TOX: variants seen among roughly 807,000 people sequenced by gnomAD.
The protein encoded by TOX is thymocyte selection-associated high mobility group box protein TOX.
Under a neutral mutation model 53.7 loss-of-function variants are expected in TOX, and 11 were observed. The ratio of observed to expected loss-of-function variants is 0.20; its 90% CI spans 0.13 to 0.34. TOX has a LOEUF of 0.34. TOX is among the 10% of genes least tolerant of loss of function. The probability of loss-of-function intolerance (pLI) is 1.00; values close to 1 mark genes in which losing one functional copy is unlikely to be tolerated. For synonymous variants in TOX, 225 were observed against 245.3 expected, an observed-to-expected ratio of 0.92 and a Z score of 0.77; for missense variants, 570 against 664.6, an observed-to-expected ratio of 0.86 and a Z score of 1.56.
intron 1 of TOX, among the ~76,000 whole-genome samples, chr8:58,980,855 A>G (rs1813192937): frequency 6.6e-6 from 1 of 152,178 alleles, no homozygotes; most frequent in Non-Finnish European, 1.5e-5. Flanking sequence ...GTCAAGAGGT[A>G]GAGGTGAGAA....
intron 7 of TOX, 27 bp downstream of exon 7, chr8:58,815,310 AC>A (rs1810154386): frequency 6.4e-7 from 1 of 1,557,734 alleles, no homozygotes. Context: ...AGGGGTGCAC[AC>A]TCTAAGTCCA....
intron 3 of TOX, among the ~76,000 whole-genome samples, chr8:58,914,961 G>A (rs922440413): frequency 6.6e-6 from 1 of 151,946 alleles, no homozygotes; most frequent in African/African-American, 2.4e-5. Flanking sequence ...GGAAAATTGG[G>A]TCACTCCCAC....
intron 3 of TOX, among the ~76,000 whole-genome samples, chr8:58,862,653 C>T (rs1327342646): frequency 6.6e-6 from 1 of 152,074 alleles, no homozygotes; most frequent in Non-Finnish European, 1.5e-5. Flanking sequence ...TGACTGTGCA[C>T]CGAACCATGA....
intron 1 of TOX, among the ~76,000 whole-genome samples, chr8:58,988,746 G>T (rs994424228): frequency 6.6e-6 from 1 of 152,168 alleles, no homozygotes; most frequent in African/African-American, 2.4e-5. Context: ...ATGCCAATGT[G>T]CACAGGAAAT....
intron 1 of TOX, among the ~76,000 whole-genome samples, chr8:59,114,934 T>C (rs1415756400): frequency 6.6e-6 from 1 of 152,212 alleles, no homozygotes; most frequent in African/African-American, 2.4e-5. Context: ...GTCTAATGTT[T>C]GTCCTGACAT....
At chr8:58,908,242 T>A (rs143544174) in intron 3 of TOX, among the ~76,000 whole-genome samples, 90 of 152,312 alleles carry the variant, frequency 5.9e-4, no homozygotes, top group Admixed American at 9.2e-4. Context: ...TGTACAGTAA[T>A]AGCACAGATG....
intron 1 of TOX, among the ~76,000 whole-genome samples, chr8:59,071,589 T>C (rs1804198178): frequency 6.6e-6 from 1 of 152,190 alleles, no homozygotes; most frequent in South Asian, 2.1e-4. Context: ...AATTAAGAGA[T>C]AGCCAAACTT....
In TOX at chr8:58,988,787, C is replaced by CAAATA. The variant is rs754652820; in HGVS notation, c.103-28780_103-28779insTATTT. On this transcript the variant is annotated intron_variant, in intron 1 of 8. Coordinates refer to ENST00000361421, the MANE Select transcript of TOX (RefSeq NM_014729.3). ...TTGAAGTGAGGTGTGTTATTTCATGCAGTATTTCCCAGACTTATTTGACTT... is the reference window on the plus strand; with the variant it reads ...TTGAAGTGAGGTGTGTTATTTCATGCAAATAAGTATTTCCCAGACTTATTTGACTT... Among the ~76,000 whole-genome samples the CAAATA allele has an allele frequency of 2.4e-3, 368 of 152,250 alleles. 1 individual carries two copies. Among genetic ancestry groups the CAAATA allele is most frequent in the Non-Finnish European group, 4.6e-3 (311 of 68,012 alleles).
chr8:59,028,673 G>A (rs1438202113), intron 1 of TOX, among the ~76,000 whole-genome samples: 1 of 152,044 alleles, frequency 6.6e-6, no homozygotes, highest in East Asian at 1.9e-4. Flanking sequence ...TCCTTGACTT[G>A]GCTGCAATGT....
intron 1 of TOX, among the ~76,000 whole-genome samples, chr8:58,983,219 T>C (rs1366632818): frequency 6.6e-6 from 1 of 152,250 alleles, no homozygotes; most frequent in African/African-American, 2.4e-5. Flanking sequence ...TCAGTGCCTA[T>C]ACACACATCA....
chr8:58,939,192 G>C, intron 3 of TOX, 110 bp downstream of exon 3: 1 of 1,372,116 alleles, frequency 7.3e-7, no homozygotes. Flanking sequence ...TCCACAGCTA[G>C]AAACAGTTTC....
chr8:59,097,168 G>C (rs148490650), intron 1 of TOX, among the ~76,000 whole-genome samples: 2,487 of 152,272 alleles, frequency 0.016, 39 homozygotes, highest in Middle Eastern at 0.034. Context: ...CCCCGGGAAG[G>C]TTCTGACCAC....
chr8:58,933,081 C>T (rs1003074632), intron 3 of TOX, among the ~76,000 whole-genome samples: 3 of 152,102 alleles, frequency 2.0e-5, no homozygotes, highest in Non-Finnish European at 4.4e-5. Context: ...TATAATGCGT[C>T]ATTAGGAAGC....
chr8:58,998,594 AATAAATTTATG>A (rs1813627625), intron 1 of TOX, among the ~76,000 whole-genome samples: 1 of 126,600 alleles, frequency 7.9e-6, no homozygotes, highest in African/African-American at 2.7e-5. Flanking sequence ...ATTTATATGT[AATAAATTTATG>A]TAATAAATTT....
chr8:58,873,558 A>G (rs1447806726), intron 3 of TOX, among the ~76,000 whole-genome samples: 1 of 152,136 alleles, frequency 6.6e-6, no homozygotes, highest in African/African-American at 2.4e-5. Context: ...GAACTACTGC[A>G]TCCTGATGCT....
chr8:59,091,865 T>C (rs1358830255), intron 1 of TOX, among the ~76,000 whole-genome samples: 1 of 152,172 alleles, frequency 6.6e-6, no homozygotes, highest in Non-Finnish European at 1.5e-5. Flanking sequence ...TCTAGATCAA[T>C]GGTTTTCAAA....
chr8:59,097,196 C>G (rs1295200412), intron 1 of TOX, among the ~76,000 whole-genome samples: 1 of 152,130 alleles, frequency 6.6e-6, no homozygotes, highest in Non-Finnish European at 1.5e-5. Flanking sequence ...AGATGATAAC[C>G]TTAACAAGTT....
At chr8:59,075,635 T>C (rs1323384978) in intron 1 of TOX, among the ~76,000 whole-genome samples, 3 of 152,080 alleles carry the variant, frequency 2.0e-5, no homozygotes, top group African/African-American at 7.2e-5. Flanking sequence ...AAGAGCAAAA[T>C]AAAAAGGTAT....
intron 1 of TOX, among the ~76,000 whole-genome samples, chr8:58,967,976 TAA>T (rs1380090071): frequency 1.3e-4 from 20 of 152,302 alleles, no homozygotes; most frequent in South Asian, 6.2e-4. Context: ...TTCATTATAT[TAA>T]AGAGTCATCG....
Sources: gnomAD v4.1 joint callset for allele counts (sites outside exome capture counted in the v4.1 genomes callset) on GRCh38, gnomAD v4.1.1 for gene constraint, MANE v1.5 for transcripts, NCBI Gene and HGNC (gene_info 2026-07-23, HGNC 2026-07-21) for gene names.